Variants in MGME1 observed in about 807,000 individuals in gnomAD.
MGME1 encodes mitochondrial genome maintenance exonuclease 1.
A neutral mutation model predicts 33.0 loss-of-function variants in MGME1; 22 were observed. The ratio of observed to expected loss-of-function variants is 0.67; its 90% confidence interval spans 0.48 to 0.95. MGME1 has a LOEUF of 0.95. Among genes scored for constraint, MGME1 ranks in the 40% least tolerant of loss-of-function variants. The pLI is 0.00. For missense variants in MGME1, 383 were observed against 397.8 expected, an observed-to-expected ratio of 0.96 and a Z score of 0.32; for synonymous variants, 133 against 144.0, an observed-to-expected ratio of 0.92 and a Z score of 0.55.
At chr20:17,980,950 C>T (rs1055159173) in intron 3 of MGME1, among the ~76,000 whole-genome samples, 1 of 152,008 alleles carries the variant, frequency 6.6e-6, no homozygotes, top group African/African-American at 2.4e-5. Context: ...CCTGTGATTA[C>T]ATGGAGATCT....
At chr20:17,982,536 G>A (rs1190366574) in intron 3 of MGME1, among the ~76,000 whole-genome samples, 1 of 152,226 alleles carries the variant, frequency 6.6e-6, no homozygotes, top group African/African-American at 2.4e-5. Context: ...TTGTACTCAG[G>A]ATATCAAGCC....
chr20:17,973,851 A>T (rs575465885), intron 2 of MGME1, among the ~76,000 whole-genome samples: 1 of 152,136 alleles, frequency 6.6e-6, no homozygotes, highest in Non-Finnish European at 1.5e-5. Flanking sequence ...CTTTGGGGCA[A>T]ATTAACAGCA....
At chr20:17,983,090 C>T (rs1019350780) in intron 3 of MGME1, among the ~76,000 whole-genome samples, 1 of 152,154 alleles carries the variant, frequency 6.6e-6, no homozygotes, top group Non-Finnish European at 1.5e-5. Flanking sequence ...CTCTTGTAAT[C>T]ACCATTCTAC....
chr20:17,975,478 C>T (rs2035836893), intron 2 of MGME1, among the ~76,000 whole-genome samples: 1 of 151,464 alleles, frequency 6.6e-6, no homozygotes, highest in African/African-American at 2.4e-5. Flanking sequence ...AATCACTTGA[C>T]CCCAGGAGGC....
In MGME1 at chr20:17,990,194, G is replaced by T. The variant is rs567003372; in HGVS notation, c.*85G>T. 5.1e-6 allele frequency: 6 copies of T among 1,172,584 alleles called. No homozygotes were observed. In the South Asian group the frequency reaches 7.5e-5, roughly 15 times the overall value. 72.6% of individuals were successfully genotyped at this position (1,172,584 alleles called of 1,614,324 possible). ...CTGTTTACTCCAGTGTAAAAATGAG[G>T]TGCCACTGGATCTGAGTGCTACACG... On this transcript the variant is annotated 3_prime_UTR_variant, in exon 5 of 5. Coordinates refer to ENST00000377710, the MANE Select transcript of MGME1 (RefSeq NM_052865.4).
chr20:17,975,220 A>C (rs1206780460), intron 2 of MGME1, among the ~76,000 whole-genome samples: 2 of 152,154 alleles, frequency 1.3e-5, no homozygotes, highest in African/African-American at 4.8e-5. Context: ...TAGGTTTCAC[A>C]AGAGGCTGAA....
chr20:17,987,988 G>A (rs900356957), intron 3 of MGME1, among the ~76,000 whole-genome samples, 178 bp from the exon 4 acceptor site: 5 of 152,104 alleles, frequency 3.3e-5, no homozygotes, highest in African/African-American at 1.2e-4. Flanking sequence ...AGGAGTATGC[G>A]TTTAGCCTGG....
At chr20:17,986,851 A>C (rs1020019617) in intron 3 of MGME1, among the ~76,000 whole-genome samples, 1 of 151,680 alleles carries the variant, frequency 6.6e-6, no homozygotes, top group Non-Finnish European at 1.5e-5. Context: ...TACATTTATT[A>C]AGTTCTACAA....
intron 3 of MGME1, among the ~76,000 whole-genome samples, chr20:17,985,284 G>A (rs1242391999): frequency 6.6e-6 from 1 of 151,996 alleles, no homozygotes; most frequent in African/African-American, 2.4e-5. Context: ...TTAGCCAAGC[G>A]TGGTGGTGCA....
Position 17,970,190 on chromosome 20 carries a change from A to C in MGME1, c.331A>C (p.Lys111Gln), listed in dbSNP as rs765552114. 1.7e-5 allele frequency: 28 copies of C among 1,614,228 alleles called. No individual in the cohort carries two copies. In the South Asian group the frequency reaches 3.0e-4, roughly 17 times the overall value. The part of the protein sequence containing the change: ...FPIFNPERSD[K>Q]PNASDPSVPL... Reference sequence around the variant, plus strand: ...TATCTTCAATCCAGAGAGAAGTGATAAACCAAATGCAAGTGATCCTTCAGT... The same window carrying C: ...TATCTTCAATCCAGAGAGAAGTGATCAACCAAATGCAAGTGATCCTTCAGT... Residue 111 changes from lysine (K) to glutamine (Q), a missense_variant, in exon 2 of 5, where the codon AAA (lysine) becomes CAA (glutamine). Lys to Gln is a moderately conservative substitution (Grantham distance 53). Coordinates refer to ENST00000377710, the MANE Select transcript of MGME1 (RefSeq NM_052865.4).
At chr20:17,988,546 G>C (rs947903564) in intron 4 of MGME1, among the ~76,000 whole-genome samples, 3 of 151,698 alleles carry the variant, frequency 2.0e-5, no homozygotes, top group Non-Finnish European at 2.9e-5. Flanking sequence ...AGTAGCTGAG[G>C]CAGGAGAATT....
In MGME1 at chr20:17,973,509, C is replaced by G. The variant is rs537257008; in HGVS notation, c.512-2175C>G. On this transcript the variant is annotated intron_variant, in intron 2 of 4. Coordinates refer to ENST00000377710, the MANE Select transcript of MGME1 (RefSeq NM_052865.4). ...CAAAAAAAAAATTTTTTTGAATTAG[C>G]CAGGCGTGGTGGCACATGCCTGTAG... Among the ~76,000 whole-genome samples the G allele has an allele frequency of 2.0e-5, 3 of 151,980 alleles. No homozygotes were observed. The East Asian group carries it at 5.8e-4, about 29-fold the overall frequency.
At chr20:17,987,771 T>C (rs1486467481) in intron 3 of MGME1, among the ~76,000 whole-genome samples, 1 of 152,198 alleles carries the variant, frequency 6.6e-6, no homozygotes, top group African/African-American at 2.4e-5. Flanking sequence ...ATTGAACCGA[T>C]AGAGTCCTTT....
At chr20:17,975,566 A>G in intron 2 of MGME1, 118 bp from the exon 3 acceptor site, 1 of 814,796 alleles carries the variant, frequency 1.2e-6, no homozygotes. Flanking sequence ...AAAAAAAAAA[A>G]AAGAAAAAAA....
At chr20:17,988,668 A>AC in intron 4 of MGME1, among the ~76,000 whole-genome samples, 1 of 149,190 alleles carries the variant, frequency 6.7e-6, no homozygotes, top group Middle Eastern at 3.4e-3. Context: ...AAAAAAAAAA[A>AC]ACTTCTCAGT....
chr20:17,975,067 T>C (rs945038866), intron 2 of MGME1, among the ~76,000 whole-genome samples: 7 of 152,218 alleles, frequency 4.6e-5, no homozygotes, highest in Non-Finnish European at 8.8e-5. Flanking sequence ...CTTAAACACA[T>C]AGTACCATAA....
rs141385304 is a variant in MGME1, at chr20:17,973,208, G to A, written c.512-2476G>A. Among the ~76,000 whole-genome samples the A allele has an allele frequency of 2.4e-4, 37 of 152,192 alleles. No homozygotes were observed. The East Asian group carries it at 4.3e-3, about 17-fold the overall frequency. On this transcript the variant is annotated intron_variant, in intron 2 of 4. Transcript: ENST00000377710. ...AAAAATACAAAAAAATTAGCCGGGC[G>A]CAGCGATCACTTGTAATCCCAGCTA...
In MGME1 at chr20:17,989,881, G is replaced by T. The variant is rs545627603; in HGVS notation, c.865-58G>T. 8 of 1,529,426 alleles carry T rather than the reference G, an allele frequency of 5.2e-6. No individual in the cohort carries two copies. The Admixed American group carries it at 7.8e-5, about 15-fold the overall frequency. The allele number at this position is 1,529,426 out of a possible 1,614,324, so 94.7% of individuals were successfully genotyped here. A position where few individuals can be genotyped will look rare whatever the true frequency, so the allele number is the denominator to read the frequency against. ...GTTTGCCCTGGAGTAAGAAGGAAACGAACCTAAACTCTGGACCTACTGTAG... is the reference window on the plus strand; with the variant it reads ...GTTTGCCCTGGAGTAAGAAGGAAACTAACCTAAACTCTGGACCTACTGTAG... On this transcript the variant is annotated intron_variant, in intron 4 of 4. Transcript: ENST00000377710.
At chr20:17,988,085 A>G (rs536081886) in intron 3 of MGME1, 81 bp from the exon 4 acceptor site, 3 of 1,376,926 alleles carry the variant, frequency 2.2e-6, no homozygotes, top group Non-Finnish European at 2.0e-6. Flanking sequence ...GTAACAAACT[A>G]TACATAAGAG....
Sources: gnomAD v4.1 joint callset for allele counts (sites outside exome capture counted in the v4.1 genomes callset) on GRCh38, gnomAD v4.1.1 for gene constraint, MANE v1.5 for transcripts, NCBI Gene and HGNC (gene_info 2026-07-23, HGNC 2026-07-21) for gene names.